Variants in PPP6R2 observed in about 807,000 individuals in gnomAD.
PPP6R2 encodes protein phosphatase 6 regulatory subunit 2, also known as serine/threonine-protein phosphatase 6 regulatory subunit 2.
PPP6R2 carries 62 observed loss-of-function variants against 100.2 expected under a neutral mutation model. That is an observed-to-expected ratio of 0.62 (90% CI 0.50 to 0.76). PPP6R2 has a LOEUF of 0.76. Among genes scored for constraint, PPP6R2 ranks in the 30% least tolerant of loss-of-function variants. PPP6R2 has a pLI of 0.00. For synonymous variants in PPP6R2, 525 were observed against 514.7 expected (o/e 1.02, Z -0.27); for missense variants, 1,142 against 1,276.3 (o/e 0.89, Z 1.60).
At chr22:50,342,032 C>G (rs557078719), upstream of PPP6R2, among the ~76,000 whole-genome samples, 1 of 151,780 alleles carries the variant, frequency 6.6e-6, no homozygotes, top group Non-Finnish European at 1.5e-5. Context: ...CTGCTCACCC[C>G]AGTTGCACTG....
At chr22:50,406,456 C>T (rs2058974405) in intron 3 of PPP6R2, among the ~76,000 whole-genome samples, 1 of 152,194 alleles carries the variant, frequency 6.6e-6, no homozygotes, top group Admixed American at 6.5e-5. Context: ...CAGAAAATGT[C>T]AGATATCAGC....
At chr22:50,440,711 G>T in intron 21 of PPP6R2, 111 bp from the exon 22 acceptor site, 3 of 1,238,672 alleles carry the variant, frequency 2.4e-6, no homozygotes, top group Non-Finnish European at 3.5e-6. Flanking sequence ...ATGTGTGCAG[G>T]CAACAGGCTG....
chr22:50,396,232 C>A (rs2056816691), intron 3 of PPP6R2, among the ~76,000 whole-genome samples: 1 of 140,696 alleles, frequency 7.1e-6, no homozygotes. Context: ...TGTGGTGGCT[C>A]ACACCTGTAA....
At chr22:50,402,535 C>G (rs1399754917) in intron 3 of PPP6R2, among the ~76,000 whole-genome samples, 1 of 152,154 alleles carries the variant, frequency 6.6e-6, no homozygotes, top group East Asian at 1.9e-4. Flanking sequence ...GAATTCTCAT[C>G]TCTAGTTGAT....
chr22:50,401,030 A>T (rs1042340083), intron 3 of PPP6R2, among the ~76,000 whole-genome samples: 5 of 151,868 alleles, frequency 3.3e-5, no homozygotes, highest in African/African-American at 1.2e-4. Context: ...TTAAGTTCTC[A>T]TCCTTTTATT....
intron 2 of PPP6R2, chr22:50,389,114 A>G (rs933471079): frequency 2.6e-5 from 4 of 152,242 alleles, no homozygotes; most frequent in Non-Finnish European, 5.9e-5. Flanking sequence ...AGCCTTGGGT[A>G]AGAATCTAGA....
intron 15 of PPP6R2, 80 bp downstream of exon 15, chr22:50,437,148 T>A: frequency 7.5e-7 from 1 of 1,325,292 alleles, no homozygotes; most frequent in Non-Finnish European, 1.1e-6. Context: ...TCCAGACGAG[T>A]CTGATGGCAT....
intron 3 of PPP6R2, among the ~76,000 whole-genome samples, chr22:50,401,314 C>T (rs990700021): frequency 3.3e-5 from 5 of 150,028 alleles, no homozygotes; most frequent in Non-Finnish European, 7.4e-5. Context: ...TCACGCCATT[C>T]TCCTGCCTCA....
chr22:50,377,788 C>G (rs572660560), intron 2 of PPP6R2, among the ~76,000 whole-genome samples: 1 of 152,242 alleles, frequency 6.6e-6, no homozygotes, highest in African/African-American at 2.4e-5. Flanking sequence ...GCGGGAGGAT[C>G]ACAAGGTCAA....
chr22:50,370,961 C>T (rs1214280491), intron 1 of PPP6R2, among the ~76,000 whole-genome samples: 1 of 152,176 alleles, frequency 6.6e-6, no homozygotes, highest in African/African-American at 2.4e-5. Flanking sequence ...CTAAGAAACC[C>T]TTTGTAGAGG....
chr22:50,406,852 C>G lies in PPP6R2; in HGVS notation c.391C>G (p.Leu131Val). 6.2e-7 allele frequency: 1 copy of G among 1,614,092 alleles called. No individual in the cohort carries two copies. The highest frequency in any genetic ancestry group is 8.5e-7 in the Non-Finnish European group (1 of 1,179,960). Reference sequence around the variant, plus strand: ...TTTTTTCAGCAAGACCATTGGCAATCTCATTGCAAGAAAAACCGAACAGGT... The same window carrying G: ...TTTTTTCAGCAAGACCATTGGCAATGTCATTGCAAGAAAAACCGAACAGGT... ...ASFFSKTIGN[L>V]IARKTEQVIT... Residue 131 changes from leucine to valine, a missense_variant, in exon 4 of 24, where the codon CTC becomes GTC. Around this residue, in one of 2 missense-constraint regions of PPP6R2, gnomAD observed 592 missense variants for 758.9 expected, o/e 0.78. Transcript: ENST00000612753.
the PPP6R2 span, among the ~76,000 whole-genome samples, chr22:50,331,086 T>G: frequency 6.6e-6 from 1 of 152,246 alleles, no homozygotes; most frequent in African/African-American, 2.4e-5. Context: ...TCTAGTTTAT[T>G]CTGCCTGGTT....
At chr22:50,440,452 G>A (rs968867876) in intron 21 of PPP6R2, among the ~76,000 whole-genome samples, 5 of 145,824 alleles carry the variant, frequency 3.4e-5, no homozygotes, top group African/African-American at 1.2e-4. Flanking sequence ...AGATAAGGCT[G>A]AGAGCTCCAG....
At chr22:50,354,564 A>C (rs952912646) in intron 1 of PPP6R2, among the ~76,000 whole-genome samples, 1 of 150,770 alleles carries the variant, frequency 6.6e-6, no homozygotes, top group African/African-American at 2.4e-5. Flanking sequence ...GGCGCCTCAC[A>C]CCTGTAATCC....
chr22:50,418,255 C>CT (rs2060809050), intron 6 of PPP6R2, among the ~76,000 whole-genome samples: 1 of 151,808 alleles, frequency 6.6e-6, no homozygotes, highest in Admixed American at 6.6e-5. Flanking sequence ...TTCAATGCAG[C>CT]TTTAAAAAAA....
chr22:50,386,346 G>A (rs771874639), intron 2 of PPP6R2, among the ~76,000 whole-genome samples: 7 of 148,604 alleles, frequency 4.7e-5, no homozygotes, highest in Admixed American at 1.4e-4. Context: ...TTGCCATGTT[G>A]GCCAGGCTGG....
intron 22 of PPP6R2, 65 bp from the exon 23 acceptor site, chr22:50,443,801 G>C: frequency 1.3e-6 from 2 of 1,503,078 alleles, no homozygotes; most frequent in Non-Finnish European, 1.8e-6. Context: ...CTGGTCCTTG[G>C]GCATGAGGCG....
upstream of PPP6R2, among the ~76,000 whole-genome samples, chr22:50,342,222 C>A (rs1264571247): frequency 6.6e-6 from 1 of 152,210 alleles, no homozygotes; most frequent in Non-Finnish European, 1.5e-5. Flanking sequence ...GCCTGCTGAA[C>A]GCAGGGTGTC....
rs1212108898 is a variant in PPP6R2 at position 50,444,986 on chromosome 22, G to A, written c.*739G>A. 1 of 152,478 alleles carries A rather than the reference G, an allele frequency of 6.6e-6. No homozygotes were observed. Among genetic ancestry groups the A allele is most frequent in the Non-Finnish European group, 1.5e-5 (1 of 68,062 alleles). 9.4% of individuals were successfully genotyped at this position (152,478 alleles called of 1,614,324 possible). A position where few individuals can be genotyped will look rare whatever the true frequency, so the allele number is the denominator to read the frequency against. On this transcript the variant is annotated 3_prime_UTR_variant, in exon 24 of 24. Coordinates refer to ENST00000612753, the MANE Select transcript of PPP6R2 (RefSeq NM_001242898.2). ...GGTCACGGCCATGTCGTCCTAGAAG[G>A]GTCCAGAAGATTATTTTACGTTGAG... is the stretch of plus-strand genomic sequence containing the variant.
Sources: allele counts gnomAD v4.1 joint callset (sites outside exome capture counted in the v4.1 genomes callset), GRCh38; gene constraint gnomAD v4.1.1; regional missense constraint gnomAD v4.1.1; transcripts MANE v1.5; gene names NCBI Gene and HGNC (gene_info 2026-07-23, HGNC 2026-07-21).